The following RABGAP1L variants were observed in gnomAD, a reference collection of about 807,000 sequenced individuals.
RABGAP1L encodes the protein rab GTPase-activating protein 1-like.
In RABGAP1L, 63 loss-of-function variants were observed where a neutral mutation model predicts 137.7. The observed-to-expected ratio is 0.46, with a 90% CI of 0.37 to 0.56. The LOEUF (loss-of-function observed/expected upper bound fraction) is 0.56. Ranked by LOEUF, RABGAP1L falls within the 20% of genes least tolerant of loss-of-function variation. The pLI, the probability that RABGAP1L is intolerant of heterozygous loss-of-function variation, is 0.00. For synonymous variants in RABGAP1L, 431 were observed against 433.7 expected (o/e 0.99, Z 0.08); for missense variants, 1,095 against 1,244.0 (o/e 0.88, Z 1.80).
intron 14 of RABGAP1L, among the ~76,000 whole-genome samples, chr1:174,645,909 G>A (rs1572664402): frequency 6.6e-6 from 1 of 152,112 alleles, no homozygotes; most frequent in Non-Finnish European, 1.5e-5. Flanking sequence ...TCTAACTGGT[G>A]TGAGATGGTA....
intron 19 of RABGAP1L, among the ~76,000 whole-genome samples, chr1:174,878,574 A>G (rs1038524171): frequency 2.6e-5 from 4 of 152,160 alleles, no homozygotes; most frequent in Non-Finnish European, 5.9e-5. Context: ...TATTATATTT[A>G]ATATGACTCA....
chr1:174,856,788 G>T (rs971873190), intron 19 of RABGAP1L, among the ~76,000 whole-genome samples: 4 of 151,926 alleles, frequency 2.6e-5, no homozygotes, highest in African/African-American at 9.7e-5. Context: ...TTAGCCGGGC[G>T]TGCTGGTGCG....
At chr1:174,790,639 G>A (rs1316115255) in intron 18 of RABGAP1L, among the ~76,000 whole-genome samples, 1 of 150,264 alleles carries the variant, frequency 6.7e-6, no homozygotes, top group Non-Finnish European at 1.5e-5. Flanking sequence ...AAAAAGAAAA[G>A]AGAAAGCCTC....
chr1:174,754,280 C>A (rs376280896), intron 18 of RABGAP1L, among the ~76,000 whole-genome samples: 2 of 152,096 alleles, frequency 1.3e-5, no homozygotes, highest in East Asian at 1.9e-4. Flanking sequence ...GCTGACCCCC[C>A]CAATAGACAG....
chr1:174,808,506 G>A (rs917497136), intron 18 of RABGAP1L, among the ~76,000 whole-genome samples: 4 of 152,082 alleles, frequency 2.6e-5, no homozygotes, highest in African/African-American at 9.7e-5. Flanking sequence ...TAGCCACTAA[G>A]ATATCTATTT....
In RABGAP1L at chr1:174,241,658, G is replaced by A. The variant is rs762972256; in HGVS notation, c.717+1G>A. 3 of 1,608,472 alleles carry A rather than the reference G, an allele frequency of 1.9e-6. No homozygotes were observed. Among genetic ancestry groups the A allele is most frequent in the Admixed American group, 1.7e-5 (1 of 59,532 alleles). On this transcript the variant is annotated splice_donor_variant, in intron 5 of 25. Coordinates refer to ENST00000681986, the MANE Select transcript of RABGAP1L (RefSeq NM_001366446.1). LOFTEE classifies it high-confidence loss of function. ...TTTCTCCTGTGAAATTAAAGAGGCAGTAAGTATAATATAGTATAGCAATTT... is the reference window on the plus strand; with the variant it reads ...TTTCTCCTGTGAAATTAAAGAGGCAATAAGTATAATATAGTATAGCAATTT...
chr1:174,698,763 A>T (rs1398933697), intron 15 of RABGAP1L, among the ~76,000 whole-genome samples: 1 of 152,142 alleles, frequency 6.6e-6, no homozygotes, highest in Non-Finnish European at 1.5e-5. Context: ...ATGTATAACA[A>T]TGTATATAGA....
At chr1:174,347,651 C>T (rs1208850521) in intron 11 of RABGAP1L, among the ~76,000 whole-genome samples, 1 of 152,114 alleles carries the variant, frequency 6.6e-6, no homozygotes, top group Non-Finnish European at 1.5e-5. Context: ...CGCCTCCACA[C>T]CTGGCTAATT....
intron 18 of RABGAP1L, among the ~76,000 whole-genome samples, chr1:174,797,664 TG>T (rs926965028): frequency 1.5e-5 from 1 of 68,744 alleles, no homozygotes; most frequent in African/African-American, 6.0e-5. Context: ...GTGTGTGTGG[TG>T]TGGGGTATGG....
chr1:174,534,802 A>AAAAAAATAAT (rs1553324953), intron 13 of RABGAP1L, among the ~76,000 whole-genome samples: 2 of 137,266 alleles, frequency 1.5e-5, no homozygotes, highest in East Asian at 2.1e-4. Flanking sequence ...AAAAAAAAAA[A>AAAAAAATAAT]AATAATTAGA....
chr1:174,923,561 G>A (rs1662170930), intron 19 of RABGAP1L, among the ~76,000 whole-genome samples: 1 of 152,150 alleles, frequency 6.6e-6, no homozygotes, highest in African/African-American at 2.4e-5. Flanking sequence ...AATTATTTGA[G>A]GATATTGTAT....
At chr1:174,948,670 T>TA (rs1409539224) in intron 19 of RABGAP1L, 1 of 152,094 alleles carries the variant, frequency 6.6e-6, no homozygotes, top group Non-Finnish European at 1.5e-5. Context: ...ATTAAATTAC[T>TA]ATGTATCCAC....
chr1:174,329,746 TACAG>T (rs1399918095), intron 11 of RABGAP1L, among the ~76,000 whole-genome samples: 4 of 152,146 alleles, frequency 2.6e-5, no homozygotes, highest in Non-Finnish European at 4.4e-5. Context: ...TTTCAATTGA[TACAG>T]AGAGAGCATG....
intron 19 of RABGAP1L, among the ~76,000 whole-genome samples, chr1:174,815,832 C>T (rs1350075785): frequency 6.6e-6 from 1 of 152,154 alleles, no homozygotes; most frequent in East Asian, 1.9e-4. Context: ...CCTATGGTTT[C>T]AACTAGGCCA....
intron 12 of RABGAP1L, 128 bp from the exon 13 acceptor site, chr1:174,393,867 G>C: frequency 2.1e-6 from 2 of 953,166 alleles, no homozygotes; most frequent in Non-Finnish European, 3.1e-6. Flanking sequence ...ATTGTTTAAT[G>C]CCCCCCCACA....
At chr1:174,539,857 G>A (rs1206848302) in intron 13 of RABGAP1L, among the ~76,000 whole-genome samples, 1 of 152,198 alleles carries the variant, frequency 6.6e-6, no homozygotes, top group Non-Finnish European at 1.5e-5. Flanking sequence ...AGATCATTGA[G>A]GAATCGCCAC....
At chr1:174,916,123 T>C (rs1181576394) in intron 19 of RABGAP1L, among the ~76,000 whole-genome samples, 2 of 147,030 alleles carry the variant, frequency 1.4e-5, no homozygotes, top group Non-Finnish European at 3.0e-5. Flanking sequence ...TCTATGTACA[T>C]TTTTTTTTTG....
At chr1:174,677,159 C>CGAAAAAAAAAAAA (rs1677696985) in intron 14 of RABGAP1L, among the ~76,000 whole-genome samples, 1 of 126,360 alleles carries the variant, frequency 7.9e-6, no homozygotes, top group Non-Finnish European at 1.6e-5. Context: ...CCATCTCTAC[C>CGAAAAAAAAAAAA]AAAAAAAAAA....
intron 3 of RABGAP1L, 60 bp from the exon 4 acceptor site, chr1:174,231,085 A>T: frequency 7.7e-7 from 1 of 1,304,626 alleles, no homozygotes; most frequent in Non-Finnish European, 1.1e-6. Context: ...CATTGGCAAG[A>T]TTATAATGAT....
Sources: gnomAD v4.1 joint callset for allele counts (sites outside exome capture counted in the v4.1 genomes callset) on GRCh38, gnomAD v4.1.1 for gene constraint, MANE v1.5 for transcripts, NCBI Gene and HGNC (gene_info 2026-07-23, HGNC 2026-07-21) for gene names.